STAU2: variants seen among roughly 807,000 people sequenced by gnomAD.
The protein encoded by STAU2 is staufen double-stranded RNA binding protein 2, also known as double-stranded RNA-binding protein Staufen homolog 2.
Under a neutral mutation model 65.9 loss-of-function variants are expected in STAU2, and 20 were observed. The observed-to-expected ratio is 0.30, with a 90% CI of 0.21 to 0.44. The LOEUF (loss-of-function observed/expected upper bound fraction) is 0.44. Among genes scored for constraint, STAU2 ranks in the 20% least tolerant of loss-of-function variants. The pLI is 1.00. For synonymous variants in STAU2, 232 were observed against 233.9 expected (o/e 0.99, Z 0.07); for missense variants, 558 against 683.9 (o/e 0.82, Z 2.05).
At chr8:73,612,766 G>T (rs1005341679) in intron 9 of STAU2, among the ~76,000 whole-genome samples, 5 of 152,294 alleles carry the variant, frequency 3.3e-5, no homozygotes, top group Non-Finnish European at 7.4e-5. Flanking sequence ...AATCCATTGA[G>T]ATTAAATATA....
intron 1 of STAU2, among the ~76,000 whole-genome samples, chr8:73,740,776 G>A (rs1408843935): frequency 1.3e-5 from 2 of 152,080 alleles, no homozygotes; most frequent in East Asian, 3.8e-4. Context: ...CGAGGTGGGG[G>A]GATCACCTGA....
chr8:73,495,252 G>C (rs1821344432), intron 13 of STAU2, among the ~76,000 whole-genome samples: 1 of 151,352 alleles, frequency 6.6e-6, no homozygotes, highest in African/African-American at 2.4e-5. Context: ...AAAGGTATTT[G>C]GTACTTTTTT....
rs144431529 is a variant in STAU2 at position 73,522,300 on chromosome 8, T to A, written c.1530+29712A>T. ...GTGATGAGGAAACATATAGAAAGGG[T>A]GTCATGACAGAGTCAAGAATAATAC... is the stretch of plus-strand genomic sequence containing the variant. On this transcript the variant is annotated intron_variant, in intron 13 of 14. Transcript: ENST00000524300. Among the ~76,000 whole-genome samples, 118 of 152,202 alleles carry A rather than the reference T, an allele frequency of 7.8e-4. 2 individuals carry two copies. Among genetic ancestry groups the A allele is most frequent in the African/African-American group, 2.7e-3 (112 of 41,526 alleles).
intron 13 of STAU2, among the ~76,000 whole-genome samples, chr8:73,546,123 CTTTT>C (rs71561528): frequency 0.054 from 5,077 of 93,240 alleles, 267 homozygotes; most frequent in African/African-American, 0.17. Flanking sequence ...GTTTGGTTTT[CTTTT>C]TTTTTTTTTT....
intron 11 of STAU2, 138 bp downstream of exon 11, chr8:73,595,028 G>T: frequency 1.7e-6 from 1 of 589,878 alleles, no homozygotes; most frequent in Middle Eastern, 4.8e-4. Flanking sequence ...ATGTTATTTT[G>T]TGCTTGGATC....
At chr8:73,663,745 T>A (rs1817016763) in intron 6 of STAU2, among the ~76,000 whole-genome samples, 1 of 152,122 alleles carries the variant, frequency 6.6e-6, no homozygotes, top group African/African-American at 2.4e-5. Context: ...AGCAGTATTT[T>A]ATAGCCTTCA....
At chr8:73,536,439 C>T (rs1027379093) in intron 13 of STAU2, among the ~76,000 whole-genome samples, 21 of 152,182 alleles carry the variant, frequency 1.4e-4, no homozygotes, top group African/African-American at 4.8e-4. Context: ...AACTGCCCTA[C>T]TCCAGGGAAA....
intron 14 of STAU2, 127 bp from the exon 15 acceptor site, chr8:73,421,592 A>G: frequency 1.2e-6 from 1 of 812,784 alleles, no homozygotes; most frequent in East Asian, 2.7e-5. Flanking sequence ...TGAAACAACA[A>G]TATTTATGTT....
intron 13 of STAU2, among the ~76,000 whole-genome samples, chr8:73,502,496 C>G (rs959093916): frequency 6.6e-6 from 1 of 152,022 alleles, no homozygotes; most frequent in Non-Finnish European, 1.5e-5. Context: ...CAACCCTATA[C>G]CTCAACCAAA....
intron 13 of STAU2, among the ~76,000 whole-genome samples, chr8:73,498,869 G>A (rs1821583825): frequency 6.6e-6 from 1 of 151,800 alleles, no homozygotes; most frequent in African/African-American, 2.4e-5. Context: ...GTGCTGTGGT[G>A]CCCAGTTGCT....
At position 73,735,662 on chromosome 8, in the gene STAU2, C is replaced by T. The variant is rs77964827; in HGVS notation, c.-18+2622G>A. On this transcript the variant is annotated intron_variant, in intron 3 of 14. Transcript: ENST00000524300. ...TGCCAAGCATTTTGGATAAGGAATACTCAACCTGTACAATTTAAGTATGTA... is the reference window on the plus strand; with the variant it reads ...TGCCAAGCATTTTGGATAAGGAATATTCAACCTGTACAATTTAAGTATGTA... Among the ~76,000 whole-genome samples the T allele has an allele frequency of 7.3e-3, 1,111 of 152,246 alleles. 8 individuals carry two copies. Among genetic ancestry groups the T allele is most frequent in the Non-Finnish European group, 0.011 (720 of 68,014 alleles).
intron 13 of STAU2, among the ~76,000 whole-genome samples, chr8:73,475,988 CA>C (rs1387875681): frequency 1.3e-5 from 2 of 152,130 alleles, no homozygotes; most frequent in Non-Finnish European, 2.9e-5. Flanking sequence ...TTCTAAAGAG[CA>C]GGGCCAATAA....
chr8:73,439,809 G>T (rs1207791632), intron 13 of STAU2: 1 of 152,294 alleles, frequency 6.6e-6, no homozygotes, highest in Non-Finnish European at 1.5e-5. Flanking sequence ...AGGAGACGGA[G>T]ACCTAGAGGA....
At chr8:73,687,390 AAAT>A (rs1190733712) in intron 5 of STAU2, among the ~76,000 whole-genome samples, 10 of 129,738 alleles carry the variant, frequency 7.7e-5, no homozygotes, top group Non-Finnish European at 6.3e-5. Flanking sequence ...ATATTTATAA[AAAT>A]AATATATTTA....
At chr8:73,678,453 C>G (rs917588595) in intron 5 of STAU2, among the ~76,000 whole-genome samples, 21 of 152,204 alleles carry the variant, frequency 1.4e-4, no homozygotes, top group African/African-American at 5.1e-4. Context: ...ATATTCTTTC[C>G]TCTCATCTAT....
At chr8:73,736,552 G>A (rs551539047) in intron 3 of STAU2, among the ~76,000 whole-genome samples, 132 of 152,330 alleles carry the variant, frequency 8.7e-4, no homozygotes, top group African/African-American at 3.1e-3. Flanking sequence ...CAGGGGTGGG[G>A]AAGAGAGGTC....
At chr8:73,476,115 T>C (rs539797077) in intron 13 of STAU2, among the ~76,000 whole-genome samples, 1 of 152,312 alleles carries the variant, frequency 6.6e-6, no homozygotes, top group African/African-American at 2.4e-5. Flanking sequence ...AAATGATTGT[T>C]ACCAATGGGA....
In STAU2 at chr8:73,728,846, A is replaced by G. The variant is rs576597780; in HGVS notation, c.-18+9438T>C. ...CTGGATTCTTTGGGATTTTCTATAT[A>G]TAGGACCATGTCATCTGCAAACAGA... is the stretch of plus-strand genomic sequence containing the variant. On this transcript the variant is annotated intron_variant, in intron 3 of 14. Transcript: ENST00000524300. 5.3e-5 allele frequency among the ~76,000 whole-genome samples: 8 copies of G among 152,302 alleles called. No homozygotes were observed. In the East Asian group the frequency reaches 1.5e-3, roughly 29 times the overall value.
chr8:73,506,180 A>C (rs1053948167), intron 13 of STAU2, among the ~76,000 whole-genome samples: 17 of 152,184 alleles, frequency 1.1e-4, no homozygotes, highest in Non-Finnish European at 2.5e-4. Context: ...CATTGTGAGT[A>C]GTTTTAGTAA....
Sources: gnomAD v4.1 joint callset for allele counts (sites outside exome capture counted in the v4.1 genomes callset) on GRCh38, gnomAD v4.1.1 for gene constraint, MANE v1.5 for transcripts, NCBI Gene and HGNC (gene_info 2026-07-23, HGNC 2026-07-21) for gene names.